The following STIM1 variants were observed in gnomAD, a reference collection of about 807,000 sequenced individuals.
The protein encoded by STIM1 is stromal interaction molecule 1.
STIM1 carries 25 observed loss-of-function variants against 74.7 expected under a neutral mutation model. That is an observed-to-expected ratio of 0.33 (90% CI 0.24 to 0.47). The LOEUF (loss-of-function observed/expected upper bound fraction) is 0.47, where lower values mean the gene tolerates loss of function less well. STIM1 is among the 20% of genes least tolerant of loss of function. STIM1 has a pLI of 1.00. For missense variants in STIM1, 728 were observed against 920.8 expected (o/e 0.79, Z 2.71); for synonymous variants, 328 against 348.8 (o/e 0.94, Z 0.66).
intron 2 of STIM1, among the ~76,000 whole-genome samples, chr11:3,971,311 C>T (rs1309815608): frequency 6.6e-6 from 1 of 151,596 alleles, no homozygotes; most frequent in Non-Finnish European, 1.5e-5. Context: ...GGGTGGATCA[C>T]GAGGTCAGGA....
At chr11:3,893,065 T>A (rs991155791) in intron 1 of STIM1, among the ~76,000 whole-genome samples, 3 of 152,246 alleles carry the variant, frequency 2.0e-5, no homozygotes, top group Non-Finnish European at 4.4e-5. Flanking sequence ...AGGTTCTTTG[T>A]GGAACAGGCT....
At chr11:4,014,080 G>A (rs1338325391) in intron 2 of STIM1, among the ~76,000 whole-genome samples, 1 of 151,958 alleles carries the variant, frequency 6.6e-6, no homozygotes, top group Non-Finnish European at 1.5e-5. Context: ...GTTATTTCTT[G>A]TCTTCTGCTA....
intron 1 of STIM1, among the ~76,000 whole-genome samples, chr11:3,865,860 C>G (rs2090835604): frequency 6.6e-6 from 1 of 152,154 alleles, no homozygotes; most frequent in Non-Finnish European, 1.5e-5. Flanking sequence ...ACAACTTTGC[C>G]TGTGTTGATA....
chr11:3,936,621 G>A (rs1300171503), intron 1 of STIM1, among the ~76,000 whole-genome samples: 1 of 152,148 alleles, frequency 6.6e-6, no homozygotes, highest in Non-Finnish European at 1.5e-5. Context: ...TAGAAACATA[G>A]AAAATGAGAA....
intron 1 of STIM1, among the ~76,000 whole-genome samples, chr11:3,914,128 C>T (rs2092607021): frequency 6.6e-6 from 1 of 151,700 alleles, no homozygotes; most frequent in Non-Finnish European, 1.5e-5. Flanking sequence ...AATAACTCCC[C>T]ATTCCTCCCT....
intron 3 of STIM1, among the ~76,000 whole-genome samples, chr11:4,046,405 C>T (rs768469044): frequency 3.3e-5 from 5 of 152,186 alleles, no homozygotes; most frequent in Non-Finnish European, 7.3e-5. Context: ...CCTGGACACA[C>T]TGTGTCTGCC....
At chr11:3,900,136 TG>T (rs1284687250) in intron 1 of STIM1, among the ~76,000 whole-genome samples, 3 of 152,136 alleles carry the variant, frequency 2.0e-5, no homozygotes, top group Non-Finnish European at 4.4e-5. Flanking sequence ...GCCTGGGCAA[TG>T]GCAGACGACC....
intron 1 of STIM1, among the ~76,000 whole-genome samples, chr11:3,937,182 T>A (rs899381092): frequency 7.3e-5 from 11 of 151,584 alleles, no homozygotes; most frequent in African/African-American, 2.7e-4. Context: ...TCCTAGCTAC[T>A]TGGAAGGCTG....
intron 4 of STIM1, among the ~76,000 whole-genome samples, chr11:4,055,896 C>G (rs1023252634): frequency 1.3e-5 from 2 of 152,142 alleles, no homozygotes; most frequent in African/African-American, 4.8e-5. Flanking sequence ...TTAGTACATG[C>G]CAGGCATTCT....
chr11:3,963,982 G>A (rs1047740085), intron 1 of STIM1, among the ~76,000 whole-genome samples: 2 of 152,212 alleles, frequency 1.3e-5, no homozygotes, highest in Non-Finnish European at 2.9e-5. Flanking sequence ...TACTTCAAAT[G>A]TATTAAATGT....
chr11:3,902,253 G>A (rs1380769977), intron 1 of STIM1, among the ~76,000 whole-genome samples: 1 of 152,178 alleles, frequency 6.6e-6, no homozygotes, highest in Non-Finnish European at 1.5e-5. Flanking sequence ...GTAGCTTCCT[G>A]GGATGGTGTG....
In STIM1 at chr11:4,030,816, C is replaced by T. The variant is rs552351786; in HGVS notation, c.385+6829C>T. 1.6e-3 allele frequency among the ~76,000 whole-genome samples: 249 copies of T among 152,254 alleles called. 1 individual carries two copies. The highest frequency in any genetic ancestry group is 5.6e-3 in the African/African-American group (232 of 41,548). On this transcript the variant is annotated intron_variant, in intron 3 of 12. Transcript: ENST00000526596. ...ATAAGAAAACTGAGTATCTCTCACCCGAGGGTTCTACCTGTTTAATATATC... is the reference window on the plus strand; with the variant it reads ...ATAAGAAAACTGAGTATCTCTCACCTGAGGGTTCTACCTGTTTAATATATC...
At chr11:4,086,658 A>G (rs2094495280) in intron 12 of STIM1, 115 bp downstream of exon 12, 2 of 1,552,690 alleles carry the variant, frequency 1.3e-6, no homozygotes, top group East Asian at 2.4e-5. Context: ...CCAGCTCTCC[A>G]TCTGCCTCTG....
intron 12 of STIM1, chr11:4,088,841 A>G (rs2094507761): frequency 8.1e-7 from 1 of 1,235,144 alleles, no homozygotes. Context: ...AGCCTGCCTC[A>G]CTGGGCCTTT....
At chr11:3,926,105 G>T (rs2092785280) in intron 1 of STIM1, among the ~76,000 whole-genome samples, 1 of 152,028 alleles carries the variant, frequency 6.6e-6, no homozygotes, top group African/African-American at 2.4e-5. Flanking sequence ...TTTAACCTAT[G>T]GGGGTTGTTT....
intron 3 of STIM1, among the ~76,000 whole-genome samples, chr11:4,032,499 A>G (rs1488768343): frequency 6.6e-6 from 1 of 152,038 alleles, no homozygotes; most frequent in Non-Finnish European, 1.5e-5. Flanking sequence ...GTTCTTTTTC[A>G]AGTTATTTTG....
At chr11:3,925,453 T>G (rs1487349209) in intron 1 of STIM1, among the ~76,000 whole-genome samples, 1 of 152,186 alleles carries the variant, frequency 6.6e-6, no homozygotes, top group Non-Finnish European at 1.5e-5. Flanking sequence ...TTTAATCCAC[T>G]TTATTACTGC....
At chr11:4,082,479 C>A in intron 8 of STIM1, 128 bp downstream of exon 8, 1 of 1,031,272 alleles carries the variant, frequency 9.7e-7, no homozygotes, top group Admixed American at 2.1e-5. Context: ...GTGGTGGGTT[C>A]TGTTTCTTTC....
At position 4,047,808 on chromosome 11, in the gene STIM1, A is replaced by G. The variant is rs1289553333; in HGVS notation, c.386-7718A>G. Among the ~76,000 whole-genome samples, 4 of 147,988 alleles carry G rather than the reference A, an allele frequency of 2.7e-5. No individual in the cohort carries two copies. The Admixed American group carries it at 2.7e-4, about 10-fold the overall frequency. ...GCACTCAAGCCTCGGTGGCAGAGCA[A>G]GACCTGTCTCTCTTTTTTTTTTTTT... On this transcript the variant is annotated intron_variant, in intron 3 of 12. Coordinates refer to ENST00000526596, the MANE Select transcript of STIM1 (RefSeq NM_001382567.1).
Sources: gnomAD v4.1 joint callset for allele counts (sites outside exome capture counted in the v4.1 genomes callset) on GRCh38, gnomAD v4.1.1 for gene constraint, MANE v1.5 for transcripts, NCBI Gene and HGNC (gene_info 2026-07-23, HGNC 2026-07-21) for gene names.